C12orf42: variants seen among roughly 807,000 people sequenced by gnomAD.
C12orf42 encodes uncharacterized protein C12orf42.
Under a neutral mutation model 21.6 loss-of-function variants are expected in C12orf42, and 25 were observed. The ratio of observed to expected loss-of-function variants is 1.16; its 90% CI spans 0.84 to 1.62. The LOEUF is 1.62. C12orf42 is among the 40% of genes most tolerant of loss of function. The pLI is 0.00. For missense variants in C12orf42, 483 were observed against 459.3 expected (o/e 1.05, Z -0.47); for synonymous variants, 174 against 175.0 (o/e 0.99, Z 0.05).
At chr12:103,294,467 A>T (rs932301227) in intron 4 of C12orf42, among the ~76,000 whole-genome samples, 1,556 of 133,178 alleles carry the variant, frequency 0.012, 43 homozygotes, top group East Asian at 0.076. Context: ...AGAAAGAAAG[A>T]AAGAAATAAG....
chr12:103,457,605 T>C (rs556401312), intron 2 of C12orf42, among the ~76,000 whole-genome samples: 1 of 152,274 alleles, frequency 6.6e-6, no homozygotes, highest in Admixed American at 6.5e-5. Flanking sequence ...TTACATTTAG[T>C]TCCCATACTG....
chr12:103,246,021 A>G (rs747751621), intron 10 of C12orf42, among the ~76,000 whole-genome samples: 7 of 152,128 alleles, frequency 4.6e-5, no homozygotes, highest in Non-Finnish European at 7.4e-5. Context: ...CAAAGTAGCC[A>G]AAATAATGGG....
At chr12:103,139,752 G>A in the C12orf42 span, among the ~76,000 whole-genome samples, 1 of 152,098 alleles carries the variant, frequency 6.6e-6, no homozygotes, top group East Asian at 1.9e-4. Context: ...TTCTGTAATG[G>A]TCATTATTTA....
the C12orf42 span, among the ~76,000 whole-genome samples, chr12:103,177,896 C>T: frequency 6.6e-6 from 1 of 151,828 alleles, no homozygotes; most frequent in African/African-American, 2.4e-5. Flanking sequence ...AACAGCAGTG[C>T]ATCTCTTAGC....
the C12orf42 span, among the ~76,000 whole-genome samples, chr12:103,103,395 C>T: frequency 3.9e-5 from 6 of 152,212 alleles, no homozygotes; most frequent in Non-Finnish European, 8.8e-5. Context: ...CTGTTTGAAT[C>T]TCTCCCTTGA....
In C12orf42 at chr12:103,283,640, C is replaced by T. The variant is rs570716488; in HGVS notation, n.338-6430G>A. On this transcript the variant is annotated intron_variant and non_coding_transcript_variant, in intron 4 of 6. Transcript: ENST00000546526. ...TCACATCTGAAATACTCTTCCACTT[C>T]CCATTTCCTTCCTTTGGGGCCTCTG... Among the ~76,000 whole-genome samples, 10 of 152,272 alleles carry T rather than the reference C, an allele frequency of 6.6e-5. No homozygotes were observed. The South Asian group carries it at 8.3e-4, about 13-fold the overall frequency.
At chr12:103,219,530 C>A in the C12orf42 span, among the ~76,000 whole-genome samples, 2 of 152,084 alleles carry the variant, frequency 1.3e-5, no homozygotes, top group Non-Finnish European at 2.9e-5. Flanking sequence ...GGGCTAATAT[C>A]CAGAATCTAC....
At chr12:103,530,817 T>C in the C12orf42 span, among the ~76,000 whole-genome samples, 3 of 152,190 alleles carry the variant, frequency 2.0e-5, no homozygotes, top group African/African-American at 2.4e-5. Context: ...CAAGGAAAGT[T>C]TGGGGAACAG....
chr12:103,262,816 G>A (rs2034964375), intron 10 of C12orf42, among the ~76,000 whole-genome samples: 1 of 152,028 alleles, frequency 6.6e-6, no homozygotes, highest in African/African-American at 2.4e-5. Context: ...TATACCCAAA[G>A]GATTATAAAT....
chr12:103,461,620 A>G (rs1952706093), intron 2 of C12orf42, among the ~76,000 whole-genome samples: 1 of 152,210 alleles, frequency 6.6e-6, no homozygotes. Flanking sequence ...CTGATATAGG[A>G]ATCTAGAGAC....
At chr12:103,561,983 G>A in the C12orf42 span, among the ~76,000 whole-genome samples, 2 of 152,188 alleles carry the variant, frequency 1.3e-5, no homozygotes, top group Non-Finnish European at 2.9e-5. Context: ...CAGTGTGGTG[G>A]TCAGAAGTCC....
chr12:103,467,369 C>G (rs896092079), intron 2 of C12orf42, among the ~76,000 whole-genome samples: 1 of 152,094 alleles, frequency 6.6e-6, no homozygotes, highest in Non-Finnish European at 1.5e-5. Flanking sequence ...CCAGAGACCC[C>G]TGTTGAAAAA....
At chr12:103,182,455 G>A in the C12orf42 span, among the ~76,000 whole-genome samples, 1,642 of 152,270 alleles carry the variant, frequency 0.011, 24 homozygotes, top group African/African-American at 0.037. Context: ...AGCAGAGCAG[G>A]AATGGTAAGG....
Position 103,440,457 on chromosome 12 carries a change from C to CAAAAAAA in C12orf42, c.78+37885_78+37891dup. Among the ~76,000 whole-genome samples, 58 of 69,668 alleles carry CAAAAAAA rather than the reference C, an allele frequency of 8.3e-4. 1 individual carries two copies. The highest frequency in any genetic ancestry group is 1.4e-3 in the African/African-American group (23 of 16,444). 45.7% of individuals were successfully genotyped at this position (69,668 alleles called of 152,430 possible). On this transcript the variant is annotated intron_variant, in intron 2 of 5. Transcript: ENST00000548883. Reference sequence around the variant, plus strand: ...AAATAAATAAAAGCCTCACAGATACCAAAAAAAAAAAAAAAAAAAAAAGAA... The same window carrying CAAAAAAA: ...AAATAAATAAAAGCCTCACAGATACCAAAAAAAAAAAAAAAAAAAAAAAAAAAAAGAA...
At chr12:103,236,941 A>G (rs562438576), downstream of C12orf42, among the ~76,000 whole-genome samples, 2 of 152,304 alleles carry the variant, frequency 1.3e-5, no homozygotes, top group African/African-American at 2.4e-5. Context: ...ATTCAGCAGC[A>G]TATCGTAGGT....
the C12orf42 span, among the ~76,000 whole-genome samples, chr12:103,143,035 T>G: frequency 6.6e-6 from 1 of 152,216 alleles, no homozygotes; most frequent in African/African-American, 2.4e-5. Context: ...TAAAAATATC[T>G]GTCTCTGAGC....
the C12orf42 span, among the ~76,000 whole-genome samples, chr12:103,069,634 G>T: frequency 1.3e-5 from 2 of 152,198 alleles, no homozygotes; most frequent in African/African-American, 2.4e-5. Flanking sequence ...CCACTGTAAA[G>T]TCTAAAGTCA....
intron 4 of C12orf42, among the ~76,000 whole-genome samples, chr12:103,368,317 T>TCTCTCACACACACACA (rs1555271889): frequency 1.4e-5 from 2 of 146,520 alleles, no homozygotes; most frequent in African/African-American, 5.1e-5. Context: ...TCTCTCTCTC[T>TCTCTCACACACACACA]CACACACACA....
At chr12:103,212,541 G>C in the C12orf42 span, among the ~76,000 whole-genome samples, 5 of 152,190 alleles carry the variant, frequency 3.3e-5, no homozygotes, top group South Asian at 2.1e-4. Context: ...TCAGATTTTG[G>C]GGGGAGGGCA....
Sources: allele counts gnomAD v4.1 joint callset (sites outside exome capture counted in the v4.1 genomes callset), GRCh38; gene constraint gnomAD v4.1.1; transcripts MANE v1.5; gene names NCBI Gene and HGNC (gene_info 2026-07-23, HGNC 2026-07-21).